Variants in SAMTOR observed in about 807,000 individuals in gnomAD.
The protein encoded by SAMTOR is UPF0532 protein C7orf60.
chr7:112,842,081 A>G, the SAMTOR span, among the ~76,000 whole-genome samples: 1 of 151,992 alleles, frequency 6.6e-6, no homozygotes, highest in South Asian at 2.1e-4. Context: ...ATACATGCTT[A>G]GTAATGATTT....
the SAMTOR span, among the ~76,000 whole-genome samples, chr7:112,855,925 T>C: frequency 6.6e-6 from 1 of 152,178 alleles, no homozygotes; most frequent in Admixed American, 6.5e-5. Context: ...AAAAAACTTT[T>C]ACTTTCTATT....
the SAMTOR span, among the ~76,000 whole-genome samples, chr7:112,934,861 C>A: frequency 4.6e-5 from 7 of 152,284 alleles, no homozygotes; most frequent in East Asian, 1.4e-3. Flanking sequence ...TAAAACGATA[C>A]CTTGTCACAA....
chr7:112,819,800 C>T, the SAMTOR span: 23 of 152,614 alleles, frequency 1.5e-4, no homozygotes, highest in East Asian at 3.3e-3. Flanking sequence ...CTTTCAAAAG[C>T]GCTGTTTTCA....
the SAMTOR span, among the ~76,000 whole-genome samples, chr7:112,859,992 C>T: frequency 6.6e-6 from 1 of 152,136 alleles, no homozygotes; most frequent in Non-Finnish European, 1.5e-5. Context: ...CACTCTCACC[C>T]AGAGCAACTT....
chr7:112,832,037 A>C, the SAMTOR span, among the ~76,000 whole-genome samples: 1 of 143,846 alleles, frequency 7.0e-6, no homozygotes, highest in Non-Finnish European at 1.5e-5. Context: ...TTTTAGACGG[A>C]GTCTCACTGT....
the SAMTOR span, among the ~76,000 whole-genome samples, chr7:112,908,549 C>T: frequency 6.6e-6 from 1 of 152,138 alleles, no homozygotes; most frequent in Non-Finnish European, 1.5e-5. Context: ...GCTTCTGTTT[C>T]TCTGAAGACT....
the SAMTOR span, among the ~76,000 whole-genome samples, chr7:112,882,255 G>A: frequency 6.6e-6 from 1 of 152,180 alleles, no homozygotes; most frequent in Admixed American, 6.5e-5. Context: ...ATCTGGGCTG[G>A]TAGCACAAGC....
chr7:112,898,563 C>CCTCT, the SAMTOR span, among the ~76,000 whole-genome samples: 2 of 152,186 alleles, frequency 1.3e-5, no homozygotes, highest in African/African-American at 4.8e-5. Context: ...AGAAGGGAAT[C>CCTCT]CTCTGCCCTG....
At chr7:112,930,673 G>A in the SAMTOR span, among the ~76,000 whole-genome samples, 3 of 152,108 alleles carry the variant, frequency 2.0e-5, no homozygotes, top group South Asian at 2.1e-4. Context: ...AGATAAAAGA[G>A]CTGTTATTTT....
the SAMTOR span, among the ~76,000 whole-genome samples, chr7:112,876,620 T>C: frequency 1.3e-5 from 2 of 152,278 alleles, no homozygotes; most frequent in South Asian, 2.1e-4. Flanking sequence ...ATTACTGTAA[T>C]TGGTTTCTCC....
the SAMTOR span, among the ~76,000 whole-genome samples, chr7:112,916,648 C>T: frequency 6.6e-6 from 1 of 152,188 alleles, no homozygotes; most frequent in Non-Finnish European, 1.5e-5. Flanking sequence ...GGCACTGCCT[C>T]ACTTGGGAAG....
At chr7:112,843,912 T>C in the SAMTOR span, among the ~76,000 whole-genome samples, 23 of 152,256 alleles carry the variant, frequency 1.5e-4, no homozygotes, top group East Asian at 1.9e-4. Context: ...CAGCAGCACA[T>C]TGAAAAGCCA....
At chr7:112,833,747 C>G in the SAMTOR span, among the ~76,000 whole-genome samples, 12 of 152,272 alleles carry the variant, frequency 7.9e-5, no homozygotes, top group African/African-American at 2.6e-4. Flanking sequence ...TTAATCATAT[C>G]ATGGATTAGC....
the SAMTOR span, among the ~76,000 whole-genome samples, chr7:112,882,766 T>TAAA: frequency 1.7e-5 from 2 of 120,674 alleles, no homozygotes; most frequent in African/African-American, 3.0e-5. Flanking sequence ...CATCTTTTTT[T>TAAA]AAAAAAAAAA....
the SAMTOR span, among the ~76,000 whole-genome samples, chr7:112,895,231 T>C: frequency 1.3e-4 from 20 of 151,196 alleles, no homozygotes; most frequent in South Asian, 3.7e-3. Context: ...ATAATACTAT[T>C]ATATAACAAT....
At chr7:112,830,859 C>T in the SAMTOR span, among the ~76,000 whole-genome samples, 1 of 151,098 alleles carries the variant, frequency 6.6e-6, no homozygotes, top group East Asian at 1.9e-4. Flanking sequence ...ATAAGAGCTA[C>T]TATGCTTGAT....
At chr7:112,850,749 G>A in the SAMTOR span, among the ~76,000 whole-genome samples, 16 of 152,134 alleles carry the variant, frequency 1.1e-4, no homozygotes, top group African/African-American at 3.4e-4. Context: ...AGTATCAGTT[G>A]TAATGTCACC....
the SAMTOR span, among the ~76,000 whole-genome samples, chr7:112,873,460 G>A: frequency 6.6e-6 from 1 of 152,044 alleles, no homozygotes; most frequent in Non-Finnish European, 1.5e-5. Context: ...AATAAGCAAT[G>A]GGGAAAGAAG....
the SAMTOR span, among the ~76,000 whole-genome samples, chr7:112,937,083 C>T: frequency 1.3e-5 from 2 of 152,114 alleles, no homozygotes; most frequent in African/African-American, 2.4e-5. Flanking sequence ...ATTAGATCAC[C>T]ACTCTAATAT....
Sources: gnomAD v4.1 joint callset for allele counts (sites outside exome capture counted in the v4.1 genomes callset) on GRCh38, gnomAD v4.1.1 for gene constraint, MANE v1.5 for transcripts, NCBI Gene and HGNC (gene_info 2026-07-23, HGNC 2026-07-21) for gene names.